NXPH2: variants seen among roughly 807,000 people sequenced by gnomAD.
The protein encoded by NXPH2 is neurexophilin-2.
NXPH2 carries 5 observed loss-of-function variants against 19.8 expected under a neutral mutation model. The observed-to-expected ratio is 0.25, with a 90% CI of 0.13 to 0.53. NXPH2 has a LOEUF of 0.53. NXPH2 is among the 20% of genes least tolerant of loss of function. The pLI is 0.96. For synonymous variants in NXPH2, 154 were observed against 127.4 expected (o/e 1.21, Z -1.41); for missense variants, 289 against 322.8 (o/e 0.90, Z 0.80).
chr2:138,762,505 A>G (rs1407066430), intron 1 of NXPH2, among the ~76,000 whole-genome samples: 1 of 152,188 alleles, frequency 6.6e-6, no homozygotes, highest in Non-Finnish European at 1.5e-5. Context: ...AAAATAAAAT[A>G]TTATGGAAGG....
At chr2:138,773,746 ATT>A (rs969404003) in intron 1 of NXPH2, among the ~76,000 whole-genome samples, 11 of 152,218 alleles carry the variant, frequency 7.2e-5, no homozygotes, top group South Asian at 2.1e-4. Flanking sequence ...GACTTACACA[ATT>A]TATGTAAATT....
At chr2:138,710,979 C>G (rs909712919) in intron 1 of NXPH2, among the ~76,000 whole-genome samples, 7 of 152,106 alleles carry the variant, frequency 4.6e-5, no homozygotes, top group African/African-American at 1.7e-4. Flanking sequence ...ATCTTGCTGC[C>G]ATCTTCCTGG....
At chr2:138,718,653 C>T (rs757020493) in intron 1 of NXPH2, among the ~76,000 whole-genome samples, 15 of 152,110 alleles carry the variant, frequency 9.9e-5, no homozygotes, top group Non-Finnish European at 1.5e-4. Context: ...AAAGAGAAGC[C>T]ACTGGACCTT....
Position 138,683,270 on chromosome 2 carries a change from G to C in NXPH2, c.52-11605C>G, listed in dbSNP as rs1048177391. On this transcript the variant is annotated intron_variant, in intron 1 of 1. Transcript: ENST00000272641. ...CTTTCATCATTCAAGTTTTCAATGA[G>C]AGACATGAGCTTCACATGATGGGAA... Among the ~76,000 whole-genome samples the C allele has an allele frequency of 2.6e-5, 4 of 152,162 alleles. No homozygotes were observed. The East Asian group carries it at 7.7e-4, about 29-fold the overall frequency.
chr2:138,711,294 C>T (rs1296254268), intron 1 of NXPH2, among the ~76,000 whole-genome samples: 1 of 152,000 alleles, frequency 6.6e-6, no homozygotes, highest in African/African-American at 2.4e-5. Flanking sequence ...GCACCCACCA[C>T]CACGCCCGGC....
intron 1 of NXPH2, among the ~76,000 whole-genome samples, chr2:138,702,637 A>G (rs1680947755): frequency 6.7e-6 from 1 of 148,176 alleles, no homozygotes. Flanking sequence ...AAAAAATGAT[A>G]GAAATAGAGT....
In NXPH2 at chr2:138,707,859, G is replaced by A. The variant is rs138215423; in HGVS notation, c.52-36194C>T. Reference sequence around the variant, plus strand: ...TCCTTTTGAATCCTGTCAGCCAATAGGTCCCTCTCTCTCTAAGCCTCATGT... The same window carrying A: ...TCCTTTTGAATCCTGTCAGCCAATAAGTCCCTCTCTCTCTAAGCCTCATGT... On this transcript the variant is annotated intron_variant, in intron 1 of 1. Coordinates refer to ENST00000272641, the MANE Select transcript of NXPH2 (RefSeq NM_007226.3). 5.9e-5 allele frequency among the ~76,000 whole-genome samples: 9 copies of A among 152,116 alleles called. No homozygotes were observed. In the East Asian group the frequency reaches 1.5e-3, roughly 26 times the overall value.
chr2:138,774,273 G>T (rs910883967), intron 1 of NXPH2, among the ~76,000 whole-genome samples: 3 of 151,970 alleles, frequency 2.0e-5, no homozygotes, highest in African/African-American at 7.3e-5. Context: ...ACTTTTTATT[G>T]ATTTTGCTGA....
chr2:138,757,644 A>T (rs987699357), intron 1 of NXPH2, among the ~76,000 whole-genome samples: 1 of 152,140 alleles, frequency 6.6e-6, no homozygotes, highest in African/African-American at 2.4e-5. Context: ...CAGAGAAAAC[A>T]GGCTTACAGA....
chr2:138,711,860 A>T (rs1206075089), intron 1 of NXPH2, among the ~76,000 whole-genome samples: 1 of 152,200 alleles, frequency 6.6e-6, no homozygotes, highest in African/African-American at 2.4e-5. Context: ...TGTTTCCATG[A>T]TCACTCTAGC....
At chr2:138,704,884 G>T (rs930726908) in intron 1 of NXPH2, among the ~76,000 whole-genome samples, 2 of 151,102 alleles carry the variant, frequency 1.3e-5, no homozygotes, top group African/African-American at 4.9e-5. Context: ...GAGTGCAATG[G>T]CACAATCTTG....
intron 1 of NXPH2, among the ~76,000 whole-genome samples, chr2:138,771,924 C>T (rs770413175): frequency 6.6e-6 from 1 of 152,098 alleles, no homozygotes; most frequent in Non-Finnish European, 1.5e-5. Flanking sequence ...TAATAAAATA[C>T]ATATTTTCAT....
rs773053542 is a variant in NXPH2 at position 138,671,321 on chromosome 2, C to T, written c.396G>A (p.Gly132=). 9 of 1,613,786 alleles carry T rather than the reference C, an allele frequency of 5.6e-6. No individual in the cohort carries two copies. Among genetic ancestry groups the T allele is most frequent in the Non-Finnish European group, 7.6e-6 (9 of 1,179,794 alleles). Residue 132 remains glycine, a synonymous_variant, in exon 2 of 2, where the codon GGG becomes GGA. Transcript: ENST00000272641. ...KTVKLNLLIT[G]KIVDHGNGTF... ...TTCCATTTCCATGGTCAACAATTTT[C>T]CCTGTGATGAGGAGATTGAGTTTGA...
At chr2:138,765,832 G>A (rs527333923) in intron 1 of NXPH2, among the ~76,000 whole-genome samples, 12 of 152,330 alleles carry the variant, frequency 7.9e-5, no homozygotes, top group South Asian at 2.1e-4. Flanking sequence ...CATGTCAAGT[G>A]TGATGTAGTT....
At chr2:138,754,655 T>A (rs1215114518) in intron 1 of NXPH2, among the ~76,000 whole-genome samples, 2 of 152,162 alleles carry the variant, frequency 1.3e-5, no homozygotes, top group African/African-American at 4.8e-5. Context: ...AACATTTGCA[T>A]GCAGACATTT....
At chr2:138,688,286 C>A (rs890028378) in intron 1 of NXPH2, among the ~76,000 whole-genome samples, 2 of 152,170 alleles carry the variant, frequency 1.3e-5, no homozygotes, top group Non-Finnish European at 2.9e-5. Flanking sequence ...CGGGTTCAAG[C>A]CATTCTCCTG....
chr2:138,734,209 C>T (rs1024218037), intron 1 of NXPH2, among the ~76,000 whole-genome samples: 19 of 152,190 alleles, frequency 1.2e-4, no homozygotes, highest in Non-Finnish European at 7.4e-5. Context: ...CCCACCACTG[C>T]ATTCCAGCCT....
At chr2:138,735,821 G>A (rs987031336) in intron 1 of NXPH2, among the ~76,000 whole-genome samples, 12 of 152,176 alleles carry the variant, frequency 7.9e-5, no homozygotes, top group African/African-American at 2.9e-4. Context: ...GATACAATGG[G>A]GGGTACAGGC....
chr2:138,723,807 C>T (rs1004046950), intron 1 of NXPH2, among the ~76,000 whole-genome samples: 9 of 152,156 alleles, frequency 5.9e-5, no homozygotes, highest in African/African-American at 1.2e-4. Flanking sequence ...TGAGCTGCCA[C>T]GGATTCCAGG....
Sources: allele counts gnomAD v4.1 joint callset (sites outside exome capture counted in the v4.1 genomes callset), GRCh38; gene constraint gnomAD v4.1.1; transcripts MANE v1.5; gene names NCBI Gene and HGNC (gene_info 2026-07-23, HGNC 2026-07-21).